NCAM1: variants seen among roughly 807,000 people sequenced by gnomAD.
NCAM1 encodes antigen recognized by monoclonal antibody 5.1H11.
A neutral mutation model predicts 109.8 loss-of-function variants in NCAM1; 14 were observed. That is an observed-to-expected ratio of 0.13 (90% CI 0.08 to 0.20). The LOEUF is 0.20. Among genes scored for constraint, NCAM1 ranks in the 10% least tolerant of loss-of-function variants. The pLI, the probability that NCAM1 is intolerant of heterozygous loss-of-function variation, is 1.00. For missense variants in NCAM1, 774 were observed against 1,109.9 expected (o/e 0.70, Z 4.30); for synonymous variants, 418 against 442.9 (o/e 0.94, Z 0.70).
At chr11:113,083,861 A>G (rs929470124) in intron 1 of NCAM1, among the ~76,000 whole-genome samples, 13 of 152,162 alleles carry the variant, frequency 8.5e-5, no homozygotes, top group African/African-American at 3.1e-4. Context: ...TTTAACTGAG[A>G]TACAGCAAAA....
chr11:113,209,319 T>C (rs1944326675), intron 7 of NCAM1, among the ~76,000 whole-genome samples: 1 of 152,216 alleles, frequency 6.6e-6, no homozygotes, highest in South Asian at 2.1e-4. Context: ...TATTCAGTAG[T>C]AAACAGCTGG....
chr11:113,082,246 C>T (rs531475448), intron 1 of NCAM1, among the ~76,000 whole-genome samples: 1 of 152,286 alleles, frequency 6.6e-6, no homozygotes, highest in South Asian at 2.1e-4. Context: ...CCAAGAACCA[C>T]ACAGATTGTT....
chr11:113,218,196 T>G (rs1944584759), intron 8 of NCAM1, among the ~76,000 whole-genome samples: 1 of 152,234 alleles, frequency 6.6e-6, no homozygotes, highest in Non-Finnish European at 1.5e-5. Flanking sequence ...CAACCTTGTA[T>G]GAACACTTAT....
intron 1 of NCAM1, among the ~76,000 whole-genome samples, chr11:113,009,108 G>A (rs1362150573): frequency 4.6e-5 from 7 of 152,020 alleles, no homozygotes; most frequent in Non-Finnish European, 8.8e-5. Context: ...AGTTTCTGAC[G>A]GAAACTCATA....
At chr11:113,202,528 C>T in intron 2 of NCAM1, 75 bp downstream of exon 2, 2 of 1,338,234 alleles carry the variant, frequency 1.5e-6, no homozygotes, top group Non-Finnish European at 2.1e-6. Flanking sequence ...GCCCTCAGGC[C>T]ATGTGAGCTG....
At position 113,000,894 on chromosome 11, in the gene NCAM1, C is replaced by T. The variant is rs371721948; in HGVS notation, c.52+39230C>T. ...ATACACATACACGTATGTATGTGTA[C>T]GTGTATATGTATATGTGTATGTATA... On this transcript the variant is annotated intron_variant, in intron 1 of 19. Coordinates refer to ENST00000316851, the MANE Select transcript of NCAM1 (RefSeq NM_181351.5). Among the ~76,000 whole-genome samples the T allele has an allele frequency of 4.5e-4, 63 of 140,018 alleles. 1 individual carries two copies. The South Asian group carries it at 0.01, about 23-fold the overall frequency. The allele number at this position is 140,018 out of a possible 152,430, so 91.9% of individuals were successfully genotyped here. A position where few individuals can be genotyped will look rare whatever the true frequency, so the allele number is the denominator to read the frequency against.
At chr11:113,116,509 A>G (rs1324741421) in intron 1 of NCAM1, among the ~76,000 whole-genome samples, 1 of 152,196 alleles carries the variant, frequency 6.6e-6, no homozygotes, top group African/African-American at 2.4e-5. Flanking sequence ...TTTTCAAGTG[A>G]CTCCAAAATA....
intron 1 of NCAM1, among the ~76,000 whole-genome samples, chr11:113,036,910 A>G (rs567608384): frequency 2.6e-4 from 39 of 152,174 alleles, no homozygotes; most frequent in African/African-American, 9.2e-4. Context: ...TAATGCCCAC[A>G]TTGCTTGCCA....
intron 9 of NCAM1, 163 bp downstream of exon 9, chr11:113,221,488 G>A (rs72995515): frequency 4.5e-6 from 3 of 671,604 alleles, no homozygotes; most frequent in Non-Finnish European, 7.4e-6. Flanking sequence ...ATTTTAGGAT[G>A]AGCAAGCAAG....
At position 113,232,830 on chromosome 11, in the gene NCAM1, T is replaced by C; in HGVS notation, c.1522+16T>C. 6.2e-7 allele frequency: 1 copy of C among 1,603,800 alleles called. No homozygotes were observed. The highest frequency in any genetic ancestry group is 8.5e-7 in the Non-Finnish European group (1 of 1,170,946). ...GTTCAAGCAGGTGAGTGTCCCTTAC[T>C]CACCTGAGAGCAGCTGCCACAACCC... On this transcript the variant is annotated intron_variant, in intron 12 of 19. Transcript: ENST00000316851.
At chr11:112,976,315 T>A (rs1195722885) in intron 1 of NCAM1, among the ~76,000 whole-genome samples, 1 of 151,986 alleles carries the variant, frequency 6.6e-6, no homozygotes, top group Non-Finnish European at 1.5e-5. Context: ...TGAGTTCCAC[T>A]GTGAGTTTAA....
intron 19 of NCAM1, among the ~76,000 whole-genome samples, chr11:113,272,547 C>T (rs1396943135): frequency 6.6e-6 from 1 of 152,056 alleles, no homozygotes; most frequent in Non-Finnish European, 1.5e-5. Flanking sequence ...ACCTGGGAAG[C>T]CTAGAGCAGG....
intron 1 of NCAM1, among the ~76,000 whole-genome samples, chr11:113,179,761 G>A (rs982430337): frequency 6.6e-6 from 1 of 152,202 alleles, no homozygotes; most frequent in Admixed American, 6.5e-5. Context: ...GAGATAAGAG[G>A]ATGTCTGAAA....
chr11:113,113,285 G>A (rs1940529428), intron 1 of NCAM1, among the ~76,000 whole-genome samples: 1 of 152,182 alleles, frequency 6.6e-6, no homozygotes, highest in South Asian at 2.1e-4. Flanking sequence ...ATTTTGGGGG[G>A]TGGTTGTGAG....
chr11:113,164,891 T>A (rs993726725), intron 1 of NCAM1, among the ~76,000 whole-genome samples: 1 of 152,172 alleles, frequency 6.6e-6, no homozygotes. Context: ...CTTCTAATCA[T>A]GATTTGGTCT....
chr11:113,123,522 C>A (rs574308373), intron 1 of NCAM1, among the ~76,000 whole-genome samples: 1 of 152,130 alleles, frequency 6.6e-6, no homozygotes, highest in African/African-American at 2.4e-5. Context: ...TAGGGTGGGG[C>A]GGAGATAGTG....
rs1401149007 is a variant in NCAM1, at chr11:113,278,407, T to C, written c.*3020T>C. ...ACTTTGCATTCTGTCGGAATACTTG[T>C]GTTCAATAAAAATTGAAAGAAAAAA... On this transcript the variant is annotated 3_prime_UTR_variant, in exon 20 of 20. Coordinates refer to ENST00000316851, the MANE Select transcript of NCAM1 (RefSeq NM_181351.5). The C allele has an allele frequency of 6.6e-6, 1 of 152,236 alleles. No homozygotes were observed. Among genetic ancestry groups the C allele is most frequent in the Non-Finnish European group, 1.5e-5 (1 of 68,050 alleles). The allele number at this position is 152,236 out of a possible 1,614,324, so 9.4% of individuals were successfully genotyped here. A position where few individuals can be genotyped will look rare whatever the true frequency, so the allele number is the denominator to read the frequency against.
intron 1 of NCAM1, among the ~76,000 whole-genome samples, chr11:113,178,474 G>A (rs768662513): frequency 1.9e-4 from 29 of 152,326 alleles, no homozygotes; most frequent in Non-Finnish European, 2.6e-4. Context: ...CATGCCAACC[G>A]TCTGGAAGTG....
At chr11:113,164,778 A>T (rs903508067) in intron 1 of NCAM1, among the ~76,000 whole-genome samples, 6 of 152,010 alleles carry the variant, frequency 3.9e-5, no homozygotes. Flanking sequence ...CACTTCAGAG[A>T]TTTTTATGGA....
Sources: allele counts gnomAD v4.1 joint callset (sites outside exome capture counted in the v4.1 genomes callset), GRCh38; gene constraint gnomAD v4.1.1; transcripts MANE v1.5; gene names NCBI Gene and HGNC (gene_info 2026-07-23, HGNC 2026-07-21).